Variants in ZNF560 observed in about 807,000 individuals in gnomAD.
The protein encoded by ZNF560 is zinc finger protein 560.
Under a neutral mutation model 81.8 loss-of-function variants are expected in ZNF560, and 54 were observed. That is an observed-to-expected ratio of 0.66 (90% confidence interval 0.53 to 0.83). The LOEUF is 0.83. Ranked by LOEUF, ZNF560 falls within the 40% of genes least tolerant of loss-of-function variation. The pLI, the probability that ZNF560 is intolerant of heterozygous loss-of-function variation, is 0.00. For synonymous variants in ZNF560, 321 were observed against 317.9 expected (o/e 1.01, Z -0.10); for missense variants, 940 against 932.4 (o/e 1.01, Z -0.11).
At chr19:9,453,036 G>A in the ZNF560 span, among the ~76,000 whole-genome samples, 1 of 152,152 alleles carries the variant, frequency 6.6e-6, no homozygotes, top group Non-Finnish European at 1.5e-5. Context: ...AACTCCTAAG[G>A]TGTTTATATT....
At chr19:9,506,538 A>G in the ZNF560 span, among the ~76,000 whole-genome samples, 68 of 152,226 alleles carry the variant, frequency 4.5e-4, no homozygotes, top group African/African-American at 1.6e-3. Flanking sequence ...CAAAAATACC[A>G]TAAATGTGGT....
intron 2 of ZNF560, among the ~76,000 whole-genome samples, chr19:9,485,298 C>A: frequency 6.6e-6 from 1 of 152,040 alleles, no homozygotes. Context: ...AAGCTGAATT[C>A]AACAGCACAT....
chr19:9,467,385 C>G lies in ZNF560; in HGVS notation c.1562G>C (p.Cys521Ser). ...GGCAGAAGAGGTAAATGGTTTCCCA[C>G]ATTTGTAACACTTAAAGGGCTTCTC... ...TGEKPFKCYK[C>S]GKPFTSSACL... Residue 521 changes from cysteine (C) to serine (S), a missense_variant, in exon 10 of 10, where the codon TGT becomes TCT. Transcript: ENST00000301480. 6.2e-7 allele frequency: 1 copy of G among 1,614,158 alleles called. No individual in the cohort carries two copies. Among genetic ancestry groups the G allele is most frequent in the Non-Finnish European group, 8.5e-7 (1 of 1,180,026 alleles).
At chr19:9,492,586 C>T (rs1476937854) in intron 2 of ZNF560, among the ~76,000 whole-genome samples, 1 of 152,234 alleles carries the variant, frequency 6.6e-6, no homozygotes, top group Non-Finnish European at 1.5e-5. Context: ...TCCCTCTCAT[C>T]AGCTGGTCTC....
chr19:9,449,136 T>C, the ZNF560 span, among the ~76,000 whole-genome samples: 1 of 152,190 alleles, frequency 6.6e-6, no homozygotes, highest in Non-Finnish European at 1.5e-5. Context: ...AATTTGAAAC[T>C]TCACCAATTG....
At chr19:9,464,307 G>A (rs1057240054), downstream of ZNF560, among the ~76,000 whole-genome samples, 2 of 152,182 alleles carry the variant, frequency 1.3e-5, no homozygotes, top group East Asian at 1.9e-4. Flanking sequence ...GCCAATCATA[G>A]CAGTTAACTG....
chr19:9,486,023 G>A (rs531661150), intron 2 of ZNF560, among the ~76,000 whole-genome samples: 15 of 152,248 alleles, frequency 9.9e-5, no homozygotes, highest in South Asian at 8.3e-4. Flanking sequence ...GAATAGCATC[G>A]CAACATAGGA....
chr19:9,503,726 A>T, the ZNF560 span, among the ~76,000 whole-genome samples: 1 of 151,876 alleles, frequency 6.6e-6, no homozygotes, highest in African/African-American at 2.4e-5. Flanking sequence ...TTTTGTAGAG[A>T]CAGGGGTTCA....
intron 2 of ZNF560, among the ~76,000 whole-genome samples, chr19:9,482,440 G>A (rs1289421030): frequency 6.6e-6 from 1 of 150,688 alleles, no homozygotes; most frequent in East Asian, 2.0e-4. Context: ...AAGGAAGGGA[G>A]GGGGGAAGGG....
chr19:9,481,910 C>T (rs1357548365), intron 2 of ZNF560, among the ~76,000 whole-genome samples: 1 of 152,194 alleles, frequency 6.6e-6, no homozygotes, highest in Non-Finnish European at 1.5e-5. Context: ...TTGGCCCAGC[C>T]ATCCCATTAC....
upstream of ZNF560, among the ~76,000 whole-genome samples, chr19:9,500,273 T>C (rs1273758115): frequency 1.3e-5 from 2 of 151,506 alleles, no homozygotes; most frequent in African/African-American, 4.8e-5. Context: ...TAATCCCAGC[T>C]ACTCGGGAGG....
the ZNF560 span, among the ~76,000 whole-genome samples, chr19:9,449,058 G>A: frequency 6.6e-6 from 1 of 152,134 alleles, no homozygotes; most frequent in Non-Finnish European, 1.5e-5. Context: ...CAAGAATAGT[G>A]GCAGACTTCA....
chr19:9,447,133 CA>C, the ZNF560 span, among the ~76,000 whole-genome samples: 10,417 of 80,634 alleles, frequency 0.13, 1,162 homozygotes, highest in African/African-American at 0.36. Flanking sequence ...GACTCCGTCA[CA>C]AAAAAAAAAA....
At position 9,466,413 on chromosome 19, in the gene ZNF560, AGT is replaced by A; in HGVS notation, c.*159_*160del. 3.3e-6 allele frequency: 2 copies of A among 613,314 alleles called. No individual in the cohort carries two copies. Among genetic ancestry groups the A allele is most frequent in the East Asian group, 2.8e-5 (1 of 35,228 alleles). The allele number at this position is 613,314 out of a possible 1,614,324, so 38.0% of individuals were successfully genotyped here. A position where few individuals can be genotyped will look rare whatever the true frequency, so the allele number is the denominator to read the frequency against. The stretch of plus-strand genomic sequence containing the variant: ...CCTTACATTTACAGGGTTTCTCTAC[AGT>A]GTGAGTTTGTACATATCTAGAAAGA... On this transcript the variant is annotated 3_prime_UTR_variant, in exon 10 of 10. Coordinates refer to ENST00000301480, the MANE Select transcript of ZNF560 (RefSeq NM_152476.3).
chr19:9,448,395 C>CTT, the ZNF560 span, among the ~76,000 whole-genome samples: 8,713 of 89,608 alleles, frequency 0.097, 842 homozygotes, highest in South Asian at 0.18. Flanking sequence ...CCATGCCTGG[C>CTT]TTTTTTTTTT....
intron 5 of ZNF560, 68 bp from the exon 6 acceptor site, chr19:9,471,446 A>T: frequency 9.7e-7 from 1 of 1,034,252 alleles, no homozygotes; most frequent in South Asian, 1.8e-5. Context: ...AAGAGTTAAA[A>T]ATTATAGGCC....
chr19:9,488,339 A>C (rs1341280121), intron 2 of ZNF560, among the ~76,000 whole-genome samples: 2 of 152,160 alleles, frequency 1.3e-5, no homozygotes, highest in Non-Finnish European at 2.9e-5. Flanking sequence ...TAAATTACTC[A>C]GGTATTATGT....
At chr19:9,495,303 C>T (rs1484714677) in intron 2 of ZNF560, among the ~76,000 whole-genome samples, 1 of 152,068 alleles carries the variant, frequency 6.6e-6, no homozygotes, top group Non-Finnish European at 1.5e-5. Flanking sequence ...TGGAGTGATA[C>T]ACTGAATAAA....
downstream of ZNF560, among the ~76,000 whole-genome samples, chr19:9,464,185 G>A (rs2072979098): frequency 6.6e-6 from 1 of 152,216 alleles, no homozygotes; most frequent in African/African-American, 2.4e-5. Context: ...TGTTCAGGAA[G>A]TGCTAGTGAT....
Sources: gnomAD v4.1 joint callset for allele counts (sites outside exome capture counted in the v4.1 genomes callset) on GRCh38, gnomAD v4.1.1 for gene constraint, MANE v1.5 for transcripts, NCBI Gene and HGNC (gene_info 2026-07-23, HGNC 2026-07-21) for gene names.